The following ELF2 variants were observed in gnomAD, a reference collection of about 807,000 sequenced individuals.
The protein encoded by ELF2 is E74 like ETS transcription factor 2, also known as ETS-related transcription factor Elf-2.
A neutral mutation model predicts 54.8 loss-of-function variants in ELF2; 11 were observed. That is an observed-to-expected ratio of 0.20 (90% CI 0.13 to 0.33). ELF2 has a LOEUF of 0.33. Ranked by LOEUF, ELF2 falls within the 10% of genes least tolerant of loss-of-function variation. The pLI is 1.00. For missense variants in ELF2, 513 were observed against 703.0 expected (o/e 0.73, Z 3.06); for synonymous variants, 203 against 245.1 (o/e 0.83, Z 1.61).
chr4:139,165,833 T>G (rs978393794), intron 1 of ELF2, among the ~76,000 whole-genome samples: 1 of 152,214 alleles, frequency 6.6e-6, no homozygotes, highest in Non-Finnish European at 1.5e-5. Flanking sequence ...TAGATCTTCT[T>G]GCAGTTACAT....
At chr4:139,141,603 TAGA>T (rs1738705030) in intron 1 of ELF2, among the ~76,000 whole-genome samples, 1 of 152,186 alleles carries the variant, frequency 6.6e-6, no homozygotes, top group Non-Finnish European at 1.5e-5. Flanking sequence ...AGAGACCAGG[TAGA>T]CTAGTCTAGT....
At chr4:139,113,780 G>A (rs1324903132) in intron 4 of ELF2, among the ~76,000 whole-genome samples, 5 of 151,766 alleles carry the variant, frequency 3.3e-5, no homozygotes, top group Middle Eastern at 3.2e-3. Context: ...GCTTGAACCC[G>A]GGAGGCAGAG....
chr4:139,060,404 C>T lies in ELF2; in HGVS notation c.1077G>A (p.Val359=). The T allele has an allele frequency of 6.2e-7, 1 of 1,614,150 alleles. No individual in the cohort carries two copies. Among genetic ancestry groups the T allele is most frequent in the Admixed American group, 1.7e-5 (1 of 60,014 alleles). Residue 359 remains valine, a synonymous_variant, in exon 9 of 10, where the codon GTG becomes GTA. Coordinates refer to ENST00000686138, the MANE Select transcript of ELF2 (RefSeq NM_001331036.3). The stretch of plus-strand genomic sequence containing the variant: ...CATCGTGCCCAGGGGAAGTGATATT[C>T]ACAACTCTAGCTACACCCTTCTCTG... ...SRAEKGVARV[V]NITSPGHDAS... is the part of the protein sequence containing the mutation.
rs562017566 is a variant in ELF2, at chr4:139,140,753, C to CA, written c.-251-1257dup. Among the ~76,000 whole-genome samples, 892 of 118,282 alleles carry CA rather than the reference C, an allele frequency of 7.5e-3. 1 individual carries two copies. The highest frequency in any genetic ancestry group is 8.9e-3 in the Non-Finnish European group (491 of 55,276). 77.6% of individuals were successfully genotyped at this position (118,282 alleles called of 152,430 possible). ...TGGGTGACAGAGCAAGACCCTGTCTCAAAAAAAAAAAAAAAGGAAAAGTCC... is the reference window on the plus strand; with the variant it reads ...TGGGTGACAGAGCAAGACCCTGTCTCAAAAAAAAAAAAAAAAGGAAAAGTCC... On this transcript the variant is annotated intron_variant, in intron 1 of 9. Transcript: ENST00000686138.
rs1727292532 is a variant in ELF2, at chr4:139,058,215, A to C, written c.*768T>G. 6.6e-6 allele frequency: 1 copy of C among 152,366 alleles called. No individual in the cohort carries two copies. The highest frequency in any genetic ancestry group is 6.6e-5 in the Admixed American group (1 of 15,264). 9.4% of individuals were successfully genotyped at this position (152,366 alleles called of 1,614,324 possible). A position where few individuals can be genotyped will look rare whatever the true frequency, so the allele number is the denominator to read the frequency against. Reference sequence around the variant, plus strand: ...CACAATTAAGAAACTGACAGACTTAAACTACCATATAAAATGTTACATGTA... The same window carrying C: ...CACAATTAAGAAACTGACAGACTTACACTACCATATAAAATGTTACATGTA... On this transcript the variant is annotated 3_prime_UTR_variant, in exon 10 of 10. Transcript: ENST00000686138.
chr4:139,146,868 C>T (rs1451988244), intron 1 of ELF2, among the ~76,000 whole-genome samples: 1 of 152,100 alleles, frequency 6.6e-6, no homozygotes, highest in Non-Finnish European at 1.5e-5. Context: ...CTTATACAAA[C>T]ATCAACTCAA....
chr4:139,070,801 G>A (rs1729402080), intron 6 of ELF2, among the ~76,000 whole-genome samples: 1 of 152,120 alleles, frequency 6.6e-6, no homozygotes, highest in Non-Finnish European at 1.5e-5. Context: ...TTACAAGTGG[G>A]AAGACACTGT....
intron 4 of ELF2, among the ~76,000 whole-genome samples, chr4:139,120,991 T>A (rs893652881): frequency 7.2e-5 from 11 of 152,060 alleles, no homozygotes; most frequent in Admixed American, 1.3e-4. Flanking sequence ...TCTAAAACAT[T>A]CCCTAATCCT....
chr4:139,067,415 T>G, intron 7 of ELF2: 2 of 385,286 alleles, frequency 5.2e-6, no homozygotes, highest in East Asian at 7.7e-5. Flanking sequence ...TTAAGGAGGA[T>G]ATGTATCAGA....
At chr4:139,089,671 T>C (rs1283191461) in intron 4 of ELF2, among the ~76,000 whole-genome samples, 1 of 152,240 alleles carries the variant, frequency 6.6e-6, no homozygotes, top group East Asian at 1.9e-4. Context: ...TTACATTCTA[T>C]CCATGTCAGT....
chr4:139,173,845 T>C (rs563297197), intron 1 of ELF2, among the ~76,000 whole-genome samples: 209 of 151,736 alleles, frequency 1.4e-3, no homozygotes, highest in African/African-American at 4.7e-3. Context: ...CCCAGCACTT[T>C]GAGAGGCCAA....
At chr4:139,080,943 G>GAAA (rs374005271) in intron 4 of ELF2, among the ~76,000 whole-genome samples, 13 of 106,936 alleles carry the variant, frequency 1.2e-4, no homozygotes, top group African/African-American at 3.7e-4. Flanking sequence ...TGTAATATTA[G>GAAA]AAAAAAAAAA....
chr4:139,084,497 A>G, intron 4 of ELF2: 4 of 916,024 alleles, frequency 4.4e-6, no homozygotes, highest in Non-Finnish European at 5.4e-6. Flanking sequence ...TGGCAACGCG[A>G]TCCTTCCGCC....
At chr4:139,138,716 GATTT>G (rs1399487741) in intron 2 of ELF2, among the ~76,000 whole-genome samples, 1 of 152,142 alleles carries the variant, frequency 6.6e-6, no homozygotes, top group Non-Finnish European at 1.5e-5. Context: ...ATGTAAGAGA[GATTT>G]ATTTGAATTG....
chr4:139,128,301 C>T (rs889947028), intron 3 of ELF2, among the ~76,000 whole-genome samples: 1 of 151,720 alleles, frequency 6.6e-6, no homozygotes, highest in Non-Finnish European at 1.5e-5. Context: ...AAATATTAAA[C>T]TCTCATTTCT....
intron 5 of ELF2, among the ~76,000 whole-genome samples, chr4:139,072,560 A>G (rs907847368): frequency 6.6e-6 from 1 of 152,196 alleles, no homozygotes; most frequent in Non-Finnish European, 1.5e-5. Context: ...GACAAGAAAT[A>G]TTACCTTTCG....
At chr4:139,144,393 G>A (rs762977275) in intron 1 of ELF2, among the ~76,000 whole-genome samples, 1 of 152,178 alleles carries the variant, frequency 6.6e-6, no homozygotes, top group Non-Finnish European at 1.5e-5. Context: ...TGTGTCACAG[G>A]AGAGTTCACA....
chr4:139,135,195 A>C (rs767501862), intron 3 of ELF2, among the ~76,000 whole-genome samples: 1 of 151,048 alleles, frequency 6.6e-6, no homozygotes, highest in Non-Finnish European at 1.5e-5. Context: ...CCCATTCTAC[A>C]TTTTAGAATA....
chr4:139,145,600 C>T (rs1739149141), intron 1 of ELF2, among the ~76,000 whole-genome samples: 1 of 152,184 alleles, frequency 6.6e-6, no homozygotes, highest in African/African-American at 2.4e-5. Context: ...AAGAAAACTA[C>T]AGACCAATAT....
Sources: gnomAD v4.1 joint callset for allele counts (sites outside exome capture counted in the v4.1 genomes callset) on GRCh38, gnomAD v4.1.1 for gene constraint, MANE v1.5 for transcripts, NCBI Gene and HGNC (gene_info 2026-07-23, HGNC 2026-07-21) for gene names.